Variants in ZNF160 observed in about 807,000 individuals in gnomAD.
The protein encoded by ZNF160 is KRAB zinc finger protein KR18.
In ZNF160, 9 loss-of-function variants were observed where a neutral mutation model predicts 13.1. The observed-to-expected ratio is 0.69, with a 90% confidence interval of 0.41 to 1.20. ZNF160 has a LOEUF of 1.20. ZNF160 is among the 50% of genes most tolerant of loss of function. The pLI, the probability that ZNF160 is intolerant of heterozygous loss-of-function variation, is 0.01. For synonymous variants in ZNF160, 293 were observed against 333.2 expected (o/e 0.88, Z 1.31); for missense variants, 838 against 988.0 (o/e 0.85, Z 2.04).
At chr19:53,071,338 G>A (rs563113296) in intron 5 of ZNF160, among the ~76,000 whole-genome samples, 1 of 152,140 alleles carries the variant, frequency 6.6e-6, no homozygotes, top group South Asian at 2.1e-4. Context: ...ATCACCTGAG[G>A]TCAGGAGTTC....
chr19:53,071,672 TA>T (rs1219038604), intron 5 of ZNF160, among the ~76,000 whole-genome samples: 3 of 142,892 alleles, frequency 2.1e-5, no homozygotes, highest in East Asian at 4.2e-4. Flanking sequence ...AATAAAAAAA[TA>T]AAAAAAAAAT....
chr19:53,067,959 C>CT lies in ZNF160; in HGVS notation c.*117dup. Reference sequence around the variant, plus strand: ...GTCTCTTGCTTATGGCCTCTCATATCTATTAATGCTTCAACTCATGAGGGA... The same window carrying CT: ...GTCTCTTGCTTATGGCCTCTCATATCTTATTAATGCTTCAACTCATGAGGGA... On this transcript the variant is annotated 3_prime_UTR_variant, in exon 6 of 6. Coordinates refer to ENST00000683776, the MANE Select transcript of ZNF160 (RefSeq NM_001322131.2). The CT allele has an allele frequency of 7.2e-7, 1 of 1,393,128 alleles. No individual in the cohort carries two copies. Among genetic ancestry groups the CT allele is most frequent in the Non-Finnish European group, 9.7e-7 (1 of 1,028,138 alleles). 86.3% of individuals were successfully genotyped at this position (1,393,128 alleles called of 1,614,324 possible).
Position 53,068,477 on chromosome 19 carries a change from A to T in ZNF160, c.2057T>A (p.Phe686Tyr). Reference protein sequence around the residue: ...PYKCNQCGKVFTQNSHLANHQ... With the variant: ...PYKCNQCGKVYTQNSHLANHQ... ...ATTTGCAAGGTGTGAGTTCTGAGTG[A>T]AGACCTTGCCACATTGATTACATTT... Residue 686 changes from phenylalanine (F) to tyrosine (Y), a missense_variant, in exon 6 of 6, where the codon TTC (phenylalanine) becomes TAC (tyrosine). This residue lies in a region of ZNF160 where 400 missense variants were observed against 538.9 expected (regional missense o/e 0.74). Transcript: ENST00000683776. 6.2e-7 allele frequency: 1 copy of T among 1,613,762 alleles called. No homozygotes were observed. The highest frequency in any genetic ancestry group is 8.5e-7 in the Non-Finnish European group (1 of 1,179,770).
At chr19:53,074,905 A>G (rs1397164277) in intron 4 of ZNF160, 152 bp downstream of exon 4, 1 of 995,208 alleles carries the variant, frequency 1.0e-6, no homozygotes, top group Non-Finnish European at 1.5e-6. Flanking sequence ...GGAAGATTAA[A>G]GTCCAGGTTT....
rs1302831651 is a variant in ZNF160 at position 53,069,250 on chromosome 19, A to C, written c.1284T>G (p.Asn428Lys). The change falls in exon 6 of 6, where the codon AAT becomes AAG. Residue 428 changes from asparagine to lysine, a missense_variant. Asn to Lys is a moderately conservative substitution (Grantham distance 94). Around this residue, in one of 3 missense-constraint regions of ZNF160, gnomAD observed 400 missense variants for 538.9 expected, o/e 0.74. Coordinates refer to ENST00000683776, the MANE Select transcript of ZNF160 (RefSeq NM_001322131.2). The surrounding 1 kb of genome is among the most constrained non-coding windows in gnomAD (Gnocchi z 4.4). ...IHTGEKPYKC[N>K]ECGKVFRYNS... ...TGTACCTAAAGACTTTGCCACATTC[A>C]TTACATTTGTAAGGTTTTTCTCCAG... The C allele has an allele frequency of 6.2e-7, 1 of 1,612,296 alleles. No individual in the cohort carries two copies. The highest frequency in any genetic ancestry group is 8.5e-7 in the Non-Finnish European group (1 of 1,178,718).
chr19:53,089,294 G>T (rs2084951882), intron 2 of ZNF160, among the ~76,000 whole-genome samples: 1 of 152,228 alleles, frequency 6.6e-6, no homozygotes, highest in Non-Finnish European at 1.5e-5. Flanking sequence ...CCCAGTTAGT[G>T]TCGGATGGAA....
intron 3 of ZNF160, among the ~76,000 whole-genome samples, chr19:53,078,961 T>C (rs2145669367): frequency 6.6e-6 from 1 of 152,266 alleles, no homozygotes; most frequent in East Asian, 1.9e-4. Context: ...ATACCACCCT[T>C]AGTCTGACAC....
chr19:53,096,136 T>G (rs541419939), intron 1 of ZNF160, among the ~76,000 whole-genome samples: 4 of 152,152 alleles, frequency 2.6e-5, no homozygotes, highest in Non-Finnish European at 5.9e-5. Flanking sequence ...GGAGAATTGC[T>G]TGAACTCAGG....
At position 53,068,811 on chromosome 19, in the gene ZNF160, C is replaced by T. The variant is rs137886346; in HGVS notation, c.1723G>A (p.Ala575Thr). ...TGCCTTGCAAGTTGTGATGTTTGAG[C>T]GAAGACTTTACCACATTCATTACAC... is the stretch of plus-strand genomic sequence containing the variant. ...YKCNECGKVF[A>T]QTSQLARHWR... The change falls in exon 6 of 6, where the codon GCT becomes ACT. Residue 575 changes from alanine (A) to threonine (T), a missense_variant. By Grantham distance (58) the Ala-to-Thr change is moderately conservative. Transcript: ENST00000683776. 114 of 1,612,048 alleles carry T rather than the reference C, an allele frequency of 7.1e-5. No individual in the cohort carries two copies. In the African/African-American group the frequency reaches 1.1e-3, roughly 16 times the overall value.
Position 53,076,666 on chromosome 19 carries a change from G to A in ZNF160, c.16-1483C>T, listed in dbSNP as rs1421964584. On this transcript the variant is annotated intron_variant, in intron 3 of 5. Transcript: ENST00000683776. ...AAAAAGAAAACTGTACTGAAGTGATGCTGTCTATAAGACAGAGGAGTAGGA... is the reference window on the plus strand; with the variant it reads ...AAAAAGAAAACTGTACTGAAGTGATACTGTCTATAAGACAGAGGAGTAGGA... Among the ~76,000 whole-genome samples the A allele has an allele frequency of 2.6e-5, 4 of 151,072 alleles. No homozygotes were observed. In the East Asian group the frequency reaches 7.7e-4, roughly 29 times the overall value.
chr19:53,076,454 A>G (rs1158682272), intron 3 of ZNF160, among the ~76,000 whole-genome samples: 1 of 152,206 alleles, frequency 6.6e-6, no homozygotes, highest in Non-Finnish European at 1.5e-5. Flanking sequence ...AGCCTGGCCA[A>G]CATGGTGAAA....
chr19:53,075,020 G>C (rs769055397), intron 4 of ZNF160, 37 bp downstream of exon 4: 1 of 1,613,322 alleles, frequency 6.2e-7, no homozygotes, highest in South Asian at 1.1e-5. Flanking sequence ...CAATAGACAA[G>C]AACAGATCTT....
chr19:53,084,229 A>G (rs551439939), intron 3 of ZNF160, among the ~76,000 whole-genome samples: 1 of 152,276 alleles, frequency 6.6e-6, no homozygotes, highest in Admixed American at 6.5e-5. Context: ...CCTGGTACGT[A>G]AGGCACAGAA....
In ZNF160 at chr19:53,067,739, C is replaced by T. The variant is rs1374561994; in HGVS notation, c.*338G>A. 2 of 215,746 alleles carry T rather than the reference C, an allele frequency of 9.3e-6. No homozygotes were observed. The highest frequency in any genetic ancestry group is 1.4e-4 in the South Asian group (1 of 7,296). 13.4% of individuals were successfully genotyped at this position (215,746 alleles called of 1,614,324 possible). ...CATATTTGGACTTGTGAGTATTCTA[C>T]AGTGTATAATATCAAAGGCAAACAG... On this transcript the variant is annotated 3_prime_UTR_variant, in exon 6 of 6. Transcript: ENST00000683776.
chr19:53,078,127 C>G (rs748210476), intron 3 of ZNF160, among the ~76,000 whole-genome samples: 1 of 152,094 alleles, frequency 6.6e-6, no homozygotes, highest in Non-Finnish European at 1.5e-5. Context: ...GTAATCCCAA[C>G]TACTCGGGAG....
intron 5 of ZNF160, chr19:53,073,212 C>G (rs329734): frequency 0.77 from 1,097,746 of 1,425,050 alleles, 425,228 homozygotes; most frequent in African/African-American, 0.9. Context: ...ATGTAAGTGA[C>G]AACATGCAGT....
At chr19:53,088,961 T>G (rs1324472641) in intron 2 of ZNF160, among the ~76,000 whole-genome samples, 1 of 152,248 alleles carries the variant, frequency 6.6e-6, no homozygotes, top group East Asian at 1.9e-4. Context: ...CCTAACACTT[T>G]CCTTGGGTTT....
chr19:53,091,895 C>T (rs2085050178), intron 1 of ZNF160, among the ~76,000 whole-genome samples, 175 bp from the exon 2 acceptor site: 1 of 152,210 alleles, frequency 6.6e-6, no homozygotes, highest in Admixed American at 6.5e-5. Flanking sequence ...AACCTCGGTT[C>T]CAGAGCAGGG....
chr19:53,074,933 C>A, intron 4 of ZNF160, 124 bp downstream of exon 4: 1 of 1,307,872 alleles, frequency 7.6e-7, no homozygotes, highest in South Asian at 1.3e-5. Context: ...TTAAGCTTTC[C>A]ATTTCAGAGT....
Sources: allele counts gnomAD v4.1 joint callset (sites outside exome capture counted in the v4.1 genomes callset), GRCh38; gene constraint gnomAD v4.1.1; regional missense constraint gnomAD v4.1.1; non-coding constraint Gnocchi (gnomAD v3.1); transcripts MANE v1.5; gene names NCBI Gene and HGNC (gene_info 2026-07-23, HGNC 2026-07-21).